The following SLC4A10 variants were observed in gnomAD, a reference collection of about 807,000 sequenced individuals.
SLC4A10 encodes the protein sodium-driven chloride bicarbonate exchanger.
SLC4A10 carries 42 observed loss-of-function variants against 137.7 expected under a neutral mutation model. That is an observed-to-expected ratio of 0.30 (90% CI 0.24 to 0.39). The LOEUF (loss-of-function observed/expected upper bound fraction) is 0.39. Ranked by LOEUF, SLC4A10 falls within the 10% of genes least tolerant of loss-of-function variation. The pLI, the probability that SLC4A10 is intolerant of heterozygous loss-of-function variation, is 1.00. For synonymous variants in SLC4A10, 474 were observed against 464.1 expected (o/e 1.02, Z -0.27); for missense variants, 925 against 1,355.0 (o/e 0.68, Z 4.98).
At chr2:161,697,465 C>A (rs993215880) in intron 1 of SLC4A10, among the ~76,000 whole-genome samples, 1 of 151,970 alleles carries the variant, frequency 6.6e-6, no homozygotes, top group Non-Finnish European at 1.5e-5. Context: ...TTTAATCCAT[C>A]TTGAATTAAT....
intron 18 of SLC4A10, among the ~76,000 whole-genome samples, chr2:161,949,592 T>C (rs1022872448): frequency 6.6e-6 from 1 of 151,992 alleles, no homozygotes; most frequent in Non-Finnish European, 1.5e-5. Flanking sequence ...AATTGTACAG[T>C]GAATAAGGCT....
chr2:161,658,764 G>T (rs1254469863), intron 1 of SLC4A10, among the ~76,000 whole-genome samples: 2 of 151,556 alleles, frequency 1.3e-5, no homozygotes, highest in Non-Finnish European at 2.9e-5. Context: ...CTAATTTTTG[G>T]ATTTTTGGTA....
intron 1 of SLC4A10, among the ~76,000 whole-genome samples, chr2:161,696,078 G>A (rs369882042): frequency 3.2e-5 from 4 of 126,550 alleles, no homozygotes; most frequent in Non-Finnish European, 6.6e-5. Flanking sequence ...CCCACCCCAC[G>A]ACAGGCCCCG....
At chr2:161,735,870 A>G (rs966922680) in intron 1 of SLC4A10, among the ~76,000 whole-genome samples, 3 of 152,218 alleles carry the variant, frequency 2.0e-5, no homozygotes, top group Admixed American at 6.5e-5. Context: ...CAAATTAAGT[A>G]TCAAAAATAT....
chr2:161,677,952 T>C (rs1321931664), intron 1 of SLC4A10, among the ~76,000 whole-genome samples: 1 of 152,160 alleles, frequency 6.6e-6, no homozygotes, highest in Non-Finnish European at 1.5e-5. Flanking sequence ...TGAAATCACG[T>C]GGTCCTTCCT....
chr2:161,793,814 A>T (rs911871083), intron 2 of SLC4A10, among the ~76,000 whole-genome samples: 2 of 152,144 alleles, frequency 1.3e-5, no homozygotes, highest in Non-Finnish European at 2.9e-5. Context: ...TGTAATATGA[A>T]AATATGGCAG....
chr2:161,664,736 G>A (rs149988863), intron 1 of SLC4A10, among the ~76,000 whole-genome samples: 10 of 150,316 alleles, frequency 6.7e-5, no homozygotes, highest in Non-Finnish European at 1.2e-4. Flanking sequence ...TTTTTAGGGT[G>A]TTGAGTTAAT....
intron 1 of SLC4A10, among the ~76,000 whole-genome samples, chr2:161,630,406 C>G (rs1298022353): frequency 3.7e-5 from 1 of 27,116 alleles, no homozygotes; most frequent in Admixed American, 4.8e-4. Flanking sequence ...GAAGGTTATT[C>G]ATTGTTGACA....
intron 1 of SLC4A10, among the ~76,000 whole-genome samples, chr2:161,723,598 G>A (rs1559111896): frequency 6.6e-6 from 1 of 152,084 alleles, no homozygotes; most frequent in Non-Finnish European, 1.5e-5. Flanking sequence ...TCCTCAAGGT[G>A]TGCAGCCTAC....
intron 23 of SLC4A10, among the ~76,000 whole-genome samples, chr2:161,971,428 A>G (rs1009177136): frequency 5.3e-5 from 8 of 152,182 alleles, no homozygotes; most frequent in African/African-American, 1.9e-4. Context: ...GTATTATTCT[A>G]CCTTTCATCA....
chr2:161,926,232 G>A (rs1689049506), intron 15 of SLC4A10, among the ~76,000 whole-genome samples: 1 of 150,232 alleles, frequency 6.7e-6, no homozygotes, highest in African/African-American at 2.4e-5. Flanking sequence ...GAATCTGGGT[G>A]CTCCTGTATT....
chr2:161,687,515 T>A (rs1009831996), intron 1 of SLC4A10, among the ~76,000 whole-genome samples: 1 of 152,222 alleles, frequency 6.6e-6, no homozygotes, highest in African/African-American at 2.4e-5. Context: ...ATTAACGGAA[T>A]TATAGCAATT....
rs2051498144 is a variant in SLC4A10, at chr2:161,770,828, T to A, written c.49-145T>A. The A allele has an allele frequency of 1.6e-5, 8 of 510,946 alleles. No individual in the cohort carries two copies. In the South Asian group the frequency reaches 2.8e-4, roughly 18 times the overall value. The allele number at this position is 510,946 out of a possible 1,614,324, so 31.7% of individuals were successfully genotyped here. Reference sequence around the variant, plus strand: ...TTTACTCTTCTTTTTAAGCCAACACTTACTAATCAAATAGACTACTCATGA... The same window carrying A: ...TTTACTCTTCTTTTTAAGCCAACACATACTAATCAAATAGACTACTCATGA... On this transcript the variant is annotated intron_variant, in intron 1 of 26. Transcript: ENST00000446997.
chr2:161,741,633 C>G (rs2047905714), intron 1 of SLC4A10, among the ~76,000 whole-genome samples: 1 of 152,112 alleles, frequency 6.6e-6, no homozygotes, highest in Admixed American at 6.6e-5. Context: ...CCAGGTTCAT[C>G]TGTGTTGTCA....
Position 161,828,801 on chromosome 2 carries a change from TATATATATG to T in SLC4A10, c.278-10987_278-10979del, listed in dbSNP as rs1559343004. On this transcript the variant is annotated intron_variant, in intron 3 of 26. Transcript: ENST00000446997. Reference sequence around the variant, plus strand: ...ATATATATATATATATATATATATATATATATATGTATAATCTACATCTGCATCAAATCC... The same window carrying T: ...ATATATATATATATATATATATATATTATAATCTACATCTGCATCAAATCC... Among the ~76,000 whole-genome samples the T allele has an allele frequency of 7.6e-3, 948 of 123,992 alleles. 18 individuals are homozygous for T. The highest frequency in any genetic ancestry group is 0.027 in the African/African-American group (906 of 34,118). 81.3% of individuals were successfully genotyped at this position (123,992 alleles called of 152,430 possible). A position where few individuals can be genotyped will look rare whatever the true frequency, so the allele number is the denominator to read the frequency against.
At chr2:161,881,822 T>G (rs2061807006) in intron 9 of SLC4A10, among the ~76,000 whole-genome samples, 1 of 152,054 alleles carries the variant, frequency 6.6e-6, no homozygotes, top group African/African-American at 2.4e-5. Flanking sequence ...TAATAGATCA[T>G]TAACTCCCCA....
chr2:161,859,296 C>CTTTTT (rs1553597581), intron 5 of SLC4A10, among the ~76,000 whole-genome samples: 2 of 142,670 alleles, frequency 1.4e-5, no homozygotes, highest in Admixed American at 7.0e-5. Flanking sequence ...CTTTTCTTTT[C>CTTTTT]TTTTTTTTTT....
intron 15 of SLC4A10, among the ~76,000 whole-genome samples, chr2:161,933,027 T>A (rs1489552544): frequency 6.6e-6 from 1 of 152,200 alleles, no homozygotes; most frequent in Admixed American, 6.5e-5. Context: ...TTGAAATTCA[T>A]CCAAATTGTC....
intron 1 of SLC4A10, among the ~76,000 whole-genome samples, chr2:161,677,715 A>G (rs940008943): frequency 3.3e-5 from 5 of 152,182 alleles, no homozygotes; most frequent in Non-Finnish European, 5.9e-5. Flanking sequence ...AAAATAAGTC[A>G]TGTGATAGGT....
Sources: allele counts gnomAD v4.1 joint callset (sites outside exome capture counted in the v4.1 genomes callset), GRCh38; gene constraint gnomAD v4.1.1; transcripts MANE v1.5; gene names NCBI Gene and HGNC (gene_info 2026-07-23, HGNC 2026-07-21).